The following ITPR1 variants were observed in gnomAD, a reference collection of about 807,000 sequenced individuals.
ITPR1 encodes the protein inositol 1,4,5-trisphosphate-gated calcium channel ITPR1.
ITPR1 carries 96 observed loss-of-function variants against 318.4 expected under a neutral mutation model. The observed-to-expected ratio is 0.30, with a 90% CI of 0.26 to 0.36. The LOEUF is 0.36. Ranked by LOEUF, ITPR1 falls within the 10% of genes least tolerant of loss-of-function variation. The pLI, the probability that ITPR1 is intolerant of heterozygous loss-of-function variation, is 1.00. For missense variants in ITPR1, 2,440 were observed against 3,460.2 expected (o/e 0.71, Z 7.40); for synonymous variants, 1,312 against 1,289.9 (o/e 1.02, Z -0.37).
intron 43 of ITPR1, among the ~76,000 whole-genome samples, chr3:4,734,702 T>A (rs2043156264): frequency 2.6e-5 from 4 of 152,178 alleles, no homozygotes; most frequent in African/African-American, 9.7e-5. Context: ...AACAGATAAA[T>A]TATGTAAAAG....
Position 4,711,767 on chromosome 3 carries a change from C to G in ITPR1, c.5002C>G (p.His1668Asp). Residue 1668 changes from histidine (H) to aspartate (D), a missense_variant, in exon 39 of 62, where the codon CAT becomes GAT. Coordinates refer to ENST00000649015, the MANE Select transcript of ITPR1 (RefSeq NM_001378452.1). Reference protein sequence around the residue: ...SGGFICKLIKHTKQLLEENEE... With the variant: ...SGGFICKLIKDTKQLLEENEE... ...TTTCCCCCCATTCAGGTTAATAAAG[C>G]ATACAAAACAGCTGCTAGAAGAAAA... is the stretch of plus-strand genomic sequence containing the variant. The G allele has an allele frequency of 1.3e-6, 2 of 1,539,026 alleles. No individual in the cohort carries two copies. Among genetic ancestry groups the G allele is most frequent in the Non-Finnish European group, 1.8e-6 (2 of 1,134,874 alleles).
At chr3:4,595,346 A>T (rs768109158) in intron 4 of ITPR1, among the ~76,000 whole-genome samples, 2 of 152,134 alleles carry the variant, frequency 1.3e-5, no homozygotes, top group Non-Finnish European at 2.9e-5. Context: ...CGAGAGAGAG[A>T]GTGGTGAGGT....
chr3:4,737,481 G>A (rs1426638488), intron 44 of ITPR1, among the ~76,000 whole-genome samples: 4 of 152,216 alleles, frequency 2.6e-5, no homozygotes, highest in Admixed American at 1.3e-4. Flanking sequence ...GGGCCCAGAG[G>A]TGTGAGAGCA....
chr3:4,508,113 C>G (rs1483827026), intron 2 of ITPR1, among the ~76,000 whole-genome samples: 2 of 152,254 alleles, frequency 1.3e-5, no homozygotes, highest in East Asian at 3.9e-4. Context: ...GTACCTGACT[C>G]TCATGCTCAG....
At chr3:4,582,617 T>C (rs2089471737) in intron 4 of ITPR1, among the ~76,000 whole-genome samples, 1 of 152,206 alleles carries the variant, frequency 6.6e-6, no homozygotes, top group South Asian at 2.1e-4. Context: ...AGGAAGTGGA[T>C]AGAGAGGATT....
At position 4,775,306 on chromosome 3, in the gene ITPR1, T is replaced by A; in HGVS notation, c.6044T>A (p.Leu2015Gln). 2 of 1,614,112 alleles carry A rather than the reference T, an allele frequency of 1.2e-6. No homozygotes were observed. Among genetic ancestry groups the A allele is most frequent in the Non-Finnish European group, 1.7e-6 (2 of 1,179,926 alleles). The change falls in exon 47 of 62, where the codon CTG (leucine) becomes CAG (glutamine). Residue 2015 changes from leucine to glutamine, a missense_variant. By Grantham distance (113) the Leu-to-Gln change is moderately radical. Around this residue, in one of 23 missense-constraint regions of ITPR1, gnomAD observed 76 missense variants for 162.1 expected, o/e 0.47. Transcript: ENST00000649015. ...YNLVCETLQF[L>Q]DCICGSTTGG... ...TTGGTATGTGAGACCCTGCAGTTTC[T>A]GGACTGTATTTGTGGAAGCACAACT...
rs879055532 is a variant in ITPR1, at chr3:4,831,129, T to TCACACACACACACA, written c.8029-5644_8029-5643insACACACACACACAC. The TCACACACACACACA allele has an allele frequency of 3.4e-3, 1,092 of 325,408 alleles. 13 individuals carry two copies. Among genetic ancestry groups the TCACACACACACACA allele is most frequent in the African/African-American group, 0.015 (578 of 38,208 alleles). The allele number at this position is 325,408 out of a possible 1,614,324, so 20.2% of individuals were successfully genotyped here. A position where few individuals can be genotyped will look rare whatever the true frequency, so the allele number is the denominator to read the frequency against. On this transcript the variant is annotated intron_variant, in intron 60 of 61. Transcript: ENST00000649015. ...TTGTCTCTCTCTCTCTCTCTCTCTC[T>TCACACACACACACA]CTCACACACACACACACACACACAC...
At chr3:4,594,441 G>C (rs1043028270) in intron 4 of ITPR1, among the ~76,000 whole-genome samples, 1 of 152,110 alleles carries the variant, frequency 6.6e-6, no homozygotes, top group Non-Finnish European at 1.5e-5. Context: ...ACCAACCCAA[G>C]ATAAAGATTC....
intron 25 of ITPR1, 23 bp from the exon 26 acceptor site, chr3:4,681,341 A>G: frequency 6.3e-7 from 1 of 1,584,128 alleles, no homozygotes; most frequent in South Asian, 1.1e-5. Flanking sequence ...CTGCATCTGA[A>G]GTGGTATGTT....
chr3:4,782,515 GC>G, intron 49 of ITPR1, 103 bp from the exon 50 acceptor site: 1 of 1,249,330 alleles, frequency 8.0e-7, no homozygotes, highest in Non-Finnish European at 1.1e-6. Context: ...GTGCGGAACA[GC>G]CTTTTCCCTG....
At chr3:4,629,693 G>T (rs2092953473) in intron 5 of ITPR1, among the ~76,000 whole-genome samples, 1 of 152,228 alleles carries the variant, frequency 6.6e-6, no homozygotes, top group South Asian at 2.1e-4. Context: ...AAAGAATAAA[G>T]AGGCAGTGAT....
At chr3:4,514,415 G>C (rs925458684) in intron 2 of ITPR1, among the ~76,000 whole-genome samples, 1 of 152,160 alleles carries the variant, frequency 6.6e-6, no homozygotes, top group Non-Finnish European at 1.5e-5. Context: ...GCAACATGGG[G>C]TACATCATGC....
intron 7 of ITPR1, among the ~76,000 whole-genome samples, chr3:4,643,909 T>A (rs2093395939): frequency 6.6e-6 from 1 of 151,848 alleles, no homozygotes; most frequent in South Asian, 2.1e-4. Flanking sequence ...CTCTGTATAA[T>A]CAGTGACACT....
chr3:4,774,665 G>GCACAT (rs1559873836), intron 46 of ITPR1, among the ~76,000 whole-genome samples: 1 of 152,142 alleles, frequency 6.6e-6, no homozygotes, highest in Non-Finnish European at 1.5e-5. Flanking sequence ...CACCTGCTCA[G>GCACAT]GCACATGCAC....
intron 52 of ITPR1, among the ~76,000 whole-genome samples, chr3:4,790,199 C>A (rs1028146935): frequency 6.6e-6 from 1 of 152,122 alleles, no homozygotes; most frequent in African/African-American, 2.4e-5. Flanking sequence ...AGTAGGAGGA[C>A]CCTCAGGCCC....
chr3:4,681,450 G>A (rs2125228929), intron 26 of ITPR1, 32 bp downstream of exon 26: 1 of 1,488,316 alleles, frequency 6.7e-7, no homozygotes, highest in South Asian at 1.1e-5. Context: ...GTTTTGTAGG[G>A]AAGGCTGCTC....
At position 4,546,598 on chromosome 3, in the gene ITPR1, G is replaced by C. The variant is rs141662859; in HGVS notation, c.163+25504G>C. Reference sequence around the variant, plus strand: ...GCATGCTCTGCCTTCAGCCACAGAAGTCCGCAAGCAGTAGTGTCCTTTGTG... The same window carrying C: ...GCATGCTCTGCCTTCAGCCACAGAACTCCGCAAGCAGTAGTGTCCTTTGTG... On this transcript the variant is annotated intron_variant, in intron 4 of 61. Transcript: ENST00000649015. Among the ~76,000 whole-genome samples, 571 of 152,208 alleles carry C rather than the reference G, an allele frequency of 3.8e-3. 2 individuals are homozygous for C. The highest frequency in any genetic ancestry group is 6.4e-3 in the Non-Finnish European group (435 of 68,004).
intron 4 of ITPR1, among the ~76,000 whole-genome samples, chr3:4,523,772 A>G (rs4684418): frequency 0.21 from 31,824 of 152,200 alleles, 4,023 homozygotes; most frequent in Admixed American, 0.28. Flanking sequence ...ATACAGGGTT[A>G]GAATGTTAAA....
At chr3:4,683,914 CTTG>C in intron 28 of ITPR1, 116 bp downstream of exon 28, 2 of 935,734 alleles carry the variant, frequency 2.1e-6, no homozygotes, top group Non-Finnish European at 3.1e-6. Flanking sequence ...AAGAGATCTG[CTTG>C]TTAAGTCACC....
Sources: allele counts gnomAD v4.1 joint callset (sites outside exome capture counted in the v4.1 genomes callset), GRCh38; gene constraint gnomAD v4.1.1; regional missense constraint gnomAD v4.1.1; transcripts MANE v1.5; gene names NCBI Gene and HGNC (gene_info 2026-07-23, HGNC 2026-07-21).